FGF12: variants seen among roughly 807,000 people sequenced by gnomAD.
FGF12 encodes the protein fibroblast growth factor 12B.
In FGF12, 14 loss-of-function variants were observed where a neutral mutation model predicts 23.6. The ratio of observed to expected loss-of-function variants is 0.59; its 90% CI spans 0.39 to 0.93. FGF12 has a LOEUF of 0.93. Ranked by LOEUF, FGF12 falls within the 40% of genes least tolerant of loss-of-function variation. FGF12 has a pLI of 0.00. For synonymous variants in FGF12, 62 were observed against 77.3 expected (o/e 0.80, Z 1.04); for missense variants, 175 against 217.8 (o/e 0.80, Z 1.24).
chr3:192,545,519 C>A (rs1344737761), intron 2 of FGF12, among the ~76,000 whole-genome samples: 1 of 152,174 alleles, frequency 6.6e-6, no homozygotes, highest in Admixed American at 6.5e-5. Flanking sequence ...TACCTTCTAG[C>A]AAAGCTGTGA....
At chr3:192,333,058 C>A (rs1328148718) in intron 4 of FGF12, among the ~76,000 whole-genome samples, 2 of 152,048 alleles carry the variant, frequency 1.3e-5, no homozygotes, top group Non-Finnish European at 2.9e-5. Flanking sequence ...TCTTTTGGCT[C>A]AAGATTCCCA....
rs1482849423 is a variant in FGF12, at chr3:192,296,470, C to T, written c.228+38891G>A. 2.6e-5 allele frequency among the ~76,000 whole-genome samples: 4 copies of T among 152,180 alleles called. No individual in the cohort carries two copies. In the South Asian group the frequency reaches 6.2e-4, roughly 24 times the overall value. ...AACTCCTGAGCTCAAGTGATAGCCC[C>T]GCCTTGGCCTCTAAAAGGGGTGGGA... On this transcript the variant is annotated intron_variant, in intron 4 of 5. Transcript: ENST00000445105.
chr3:192,446,462 C>T (rs761484786), intron 2 of FGF12, among the ~76,000 whole-genome samples: 1 of 152,138 alleles, frequency 6.6e-6, no homozygotes, highest in African/African-American at 2.4e-5. Context: ...CGTTGAGCAC[C>T]AAGTTATGCA....
At chr3:192,549,882 A>G (rs1028151253) in intron 2 of FGF12, among the ~76,000 whole-genome samples, 7 of 152,116 alleles carry the variant, frequency 4.6e-5, no homozygotes, top group Non-Finnish European at 1.0e-4. Context: ...CCTGGTATTC[A>G]GGCCTTCAGA....
In FGF12 at chr3:192,717,386, A is replaced by C. The variant is rs143619094; in HGVS notation, c.13+9795T>G. On this transcript the variant is annotated intron_variant, in intron 2 of 5. Coordinates refer to ENST00000445105, the MANE Select transcript of FGF12 (RefSeq NM_004113.6). ...GTTTTTATGAGGCTTAAGTGAGTCAATATATGTAAAGTACAGTGCCTAAAC... is the reference window on the plus strand; with the variant it reads ...GTTTTTATGAGGCTTAAGTGAGTCACTATATGTAAAGTACAGTGCCTAAAC... Among the ~76,000 whole-genome samples, 152 of 152,330 alleles carry C rather than the reference A, an allele frequency of 1.0e-3. 1 individual carries two copies. The highest frequency in any genetic ancestry group is 3.7e-3 in the Admixed American group (57 of 15,304).
chr3:192,624,681 G>A (rs1258928432), intron 2 of FGF12, among the ~76,000 whole-genome samples: 1 of 151,968 alleles, frequency 6.6e-6, no homozygotes, highest in Non-Finnish European at 1.5e-5. Flanking sequence ...AATTAGCTTC[G>A]TAGCAAGGAG....
In FGF12 at chr3:192,206,187, C is replaced by T. The variant is rs547454481; in HGVS notation, c.229-35531G>A. Among the ~76,000 whole-genome samples, 117 of 152,282 alleles carry T rather than the reference C, an allele frequency of 7.7e-4. 2 individuals are homozygous for T. The highest frequency in any genetic ancestry group is 2.7e-3 in the African/African-American group (113 of 41,566). On this transcript the variant is annotated intron_variant, in intron 4 of 5. Transcript: ENST00000445105. ...ATAAGGAGATCTCTGCCTTTCCATC[C>T]TTTTCCCTTTCCCTGAAAAACTGAA...
intron 4 of FGF12, among the ~76,000 whole-genome samples, chr3:192,208,767 G>T (rs1340626210): frequency 6.6e-6 from 1 of 152,198 alleles, no homozygotes; most frequent in Non-Finnish European, 1.5e-5. Context: ...CAACTCCTTT[G>T]TAGTGAATTT....
At chr3:192,475,875 AGATAGAT>A (rs1311577876) in intron 2 of FGF12, among the ~76,000 whole-genome samples, 1 of 152,212 alleles carries the variant, frequency 6.6e-6, no homozygotes, top group African/African-American at 2.4e-5. Context: ...ATTATAGATC[AGATAGAT>A]GATAGATAGA....
intron 3 of FGF12, among the ~76,000 whole-genome samples, chr3:192,338,459 T>C (rs1036688660): frequency 1.3e-5 from 2 of 152,218 alleles, no homozygotes; most frequent in Non-Finnish European, 2.9e-5. Context: ...ATGGACCCAC[T>C]ACTGGCCAAT....
chr3:192,460,856 A>G (rs1722842852), intron 2 of FGF12, among the ~76,000 whole-genome samples: 2 of 152,110 alleles, frequency 1.3e-5, no homozygotes, highest in South Asian at 4.1e-4. Context: ...TCTCACAATC[A>G]CTTTAACTGA....
intron 4 of FGF12, among the ~76,000 whole-genome samples, chr3:192,283,298 G>C (rs766955340): frequency 3.9e-5 from 6 of 151,928 alleles, no homozygotes; most frequent in Non-Finnish European, 7.4e-5. Context: ...TTCTTTGTCA[G>C]TTGTGATTCA....
chr3:192,360,562 A>T lies in FGF12; in HGVS notation c.14-24T>A. ...TTCTGCAAAACAAAATAATTATTCA[A>T]ATTTTTATTTGGCTTACACAAATGC... On this transcript the variant is annotated intron_variant, in intron 2 of 5. Coordinates refer to ENST00000445105, the MANE Select transcript of FGF12 (RefSeq NM_004113.6). The surrounding 1 kb of genome is among the most constrained non-coding windows in gnomAD (Gnocchi z 4.3). 2 of 1,545,772 alleles carry T rather than the reference A, an allele frequency of 1.3e-6. No individual in the cohort carries two copies. The highest frequency in any genetic ancestry group is 1.8e-6 in the Non-Finnish European group (2 of 1,117,962).
At chr3:192,708,975 CATTA>C (rs1407168014) in intron 2 of FGF12, among the ~76,000 whole-genome samples, 4 of 152,138 alleles carry the variant, frequency 2.6e-5, no homozygotes, top group South Asian at 4.1e-4. Flanking sequence ...ATTTGCTAAT[CATTA>C]ATTAAGTCAT....
rs567448209 is a variant in FGF12 at position 192,640,498 on chromosome 3, A to G, written c.13+86683T>C. Among the ~76,000 whole-genome samples, 241 of 152,322 alleles carry G rather than the reference A, an allele frequency of 1.6e-3. 1 individual carries two copies. Among genetic ancestry groups the G allele is most frequent in the African/African-American group, 5.5e-3 (229 of 41,572 alleles). ...GAGGTAGGTTATTCAGAGCCATTAA[A>G]TCACAAAATATTAGCAAAAGAAAGC... is the stretch of plus-strand genomic sequence containing the variant. On this transcript the variant is annotated intron_variant, in intron 2 of 5. Transcript: ENST00000445105.
At chr3:192,633,876 G>A (rs62293049) in intron 2 of FGF12, among the ~76,000 whole-genome samples, 3,506 of 152,180 alleles carry the variant, frequency 0.023, 48 homozygotes, top group Middle Eastern at 0.065. Context: ...GCGCCTTTAT[G>A]TTAAACCAAG....
Position 192,370,845 on chromosome 3 carries a change from T to C in FGF12, c.14-10307A>G, listed in dbSNP as rs183537663. Among the ~76,000 whole-genome samples the C allele has an allele frequency of 4.3e-4, 65 of 152,308 alleles. 1 individual carries two copies. In the East Asian group the frequency reaches 0.012, roughly 28 times the overall value. On this transcript the variant is annotated intron_variant, in intron 2 of 5. Transcript: ENST00000445105. ...AGCCACCTTAAGAATGAAAGTCTCA[T>C]TTCAGTTGTAAATCCAAATCCCAAA...
intron 2 of FGF12, among the ~76,000 whole-genome samples, chr3:192,578,466 C>T (rs1458803070): frequency 6.6e-6 from 1 of 152,140 alleles, no homozygotes; most frequent in African/African-American, 2.4e-5. Flanking sequence ...AAAACAACAA[C>T]AATAACAACA....
intron 2 of FGF12, among the ~76,000 whole-genome samples, chr3:192,367,729 C>T (rs138022672): frequency 4.6e-5 from 7 of 152,238 alleles, no homozygotes; most frequent in Admixed American, 1.3e-4. Flanking sequence ...GTGAACAGAC[C>T]TGGAGGAACA....
Sources: allele counts gnomAD v4.1 joint callset (sites outside exome capture counted in the v4.1 genomes callset), GRCh38; gene constraint gnomAD v4.1.1; non-coding constraint Gnocchi (gnomAD v3.1); transcripts MANE v1.5; gene names NCBI Gene and HGNC (gene_info 2026-07-23, HGNC 2026-07-21).